Variants in LUZP2 observed in about 807,000 individuals in gnomAD.
LUZP2 encodes leucine zipper protein 2.
In LUZP2, 52 loss-of-function variants were observed where a neutral mutation model predicts 51.6. That is an observed-to-expected ratio of 1.01 (90% CI 0.81 to 1.27). The LOEUF (loss-of-function observed/expected upper bound fraction) is 1.27, where lower values mean the gene tolerates loss of function less well. LUZP2 is among the 50% of genes most tolerant of loss of function. The probability of loss-of-function intolerance (pLI) is 0.00; values close to 1 mark genes in which losing one functional copy is unlikely to be tolerated. For missense variants in LUZP2, 436 were observed against 395.4 expected (o/e 1.10, Z -0.87); for synonymous variants, 154 against 137.3 (o/e 1.12, Z -0.85).
intron 9 of LUZP2, among the ~76,000 whole-genome samples, chr11:24,985,241 A>G (rs1047728124): frequency 1.3e-5 from 2 of 151,598 alleles, no homozygotes; most frequent in East Asian, 3.9e-4. Context: ...AATTTTCTGC[A>G]AGAGACAACA....
At chr11:24,694,838 G>A (rs564789132) in intron 1 of LUZP2, among the ~76,000 whole-genome samples, 4 of 151,602 alleles carry the variant, frequency 2.6e-5, no homozygotes, top group South Asian at 2.1e-4. Context: ...ACTAAACGCC[G>A]CATGTTCTCA....
At chr11:25,020,018 A>G (rs1857285296) in intron 9 of LUZP2, among the ~76,000 whole-genome samples, 1 of 152,136 alleles carries the variant, frequency 6.6e-6, no homozygotes, top group Admixed American at 6.6e-5. Flanking sequence ...GAGAGAATTT[A>G]TAGGTTCCAC....
At chr11:24,976,474 GTTTT>G (rs71044328) in intron 7 of LUZP2, 113 bp from the exon 8 acceptor site, 5,377 of 365,764 alleles carry the variant, frequency 0.015, 70 homozygotes, top group South Asian at 0.04. Context: ...ACAGGACACT[GTTTT>G]TTTTTTTTTT....
intron 1 of LUZP2, among the ~76,000 whole-genome samples, chr11:24,666,021 G>A (rs778303674): frequency 2.0e-5 from 3 of 151,984 alleles, no homozygotes; most frequent in Non-Finnish European, 4.4e-5. Flanking sequence ...ACTGATGCAG[G>A]TAGTCTGATC....
intron 5 of LUZP2, among the ~76,000 whole-genome samples, chr11:24,812,372 A>G (rs536475416): frequency 2.0e-5 from 3 of 152,286 alleles, no homozygotes; most frequent in African/African-American, 7.2e-5. Flanking sequence ...AACTTCTTCA[A>G]TTCCCCTTCT....
At chr11:25,011,698 AT>A (rs1338095889) in intron 9 of LUZP2, among the ~76,000 whole-genome samples, 3 of 152,042 alleles carry the variant, frequency 2.0e-5, no homozygotes, top group African/African-American at 7.2e-5. Flanking sequence ...TTTTGTTTAA[AT>A]TTTTTTATTG....
chr11:24,577,171 A>G (rs1375901114), intron 1 of LUZP2, among the ~76,000 whole-genome samples: 1 of 152,060 alleles, frequency 6.6e-6, no homozygotes, highest in Non-Finnish European at 1.5e-5. Flanking sequence ...TGGTGCCTAA[A>G]ATGATAACAC....
intron 5 of LUZP2, chr11:24,891,528 T>C (rs1852852908): frequency 1.1e-6 from 1 of 941,868 alleles, no homozygotes; most frequent in East Asian, 1.2e-4. Context: ...GGAAGATATA[T>C]TCTATATTTC....
chr11:25,044,448 G>A (rs1858227795), intron 9 of LUZP2, among the ~76,000 whole-genome samples: 1 of 151,656 alleles, frequency 6.6e-6, no homozygotes, highest in Non-Finnish European at 1.5e-5. Context: ...TCTCACTGAT[G>A]GCAAAGGCAT....
At chr11:25,053,542 CTTT>C (rs35513610) in intron 10 of LUZP2, among the ~76,000 whole-genome samples, 82 of 145,090 alleles carry the variant, frequency 5.7e-4, no homozygotes, top group African/African-American at 7.4e-4. Flanking sequence ...TCCCACATGC[CTTT>C]TTTTTTTTTT....
At chr11:24,627,120 G>T (rs554440746) in intron 1 of LUZP2, among the ~76,000 whole-genome samples, 2 of 152,242 alleles carry the variant, frequency 1.3e-5, no homozygotes, top group South Asian at 4.1e-4. Context: ...CCTAATACAA[G>T]ATGTGAGTAC....
chr11:24,566,332 T>TATTTATTTA (rs373379117), intron 1 of LUZP2, among the ~76,000 whole-genome samples: 3 of 132,624 alleles, frequency 2.3e-5, no homozygotes, highest in African/African-American at 8.6e-5. Context: ...ATTTATTTTT[T>TATTTATTTA]TTTTTTTTTT....
chr11:25,008,379 G>A (rs1429255961), intron 9 of LUZP2, among the ~76,000 whole-genome samples: 4 of 152,220 alleles, frequency 2.6e-5, no homozygotes, highest in African/African-American at 9.6e-5. Context: ...CAAGGCCTGA[G>A]CCCAACACCC....
At chr11:24,728,476 C>T (rs998139803) in intron 1 of LUZP2, among the ~76,000 whole-genome samples, 1 of 151,998 alleles carries the variant, frequency 6.6e-6, no homozygotes, top group Admixed American at 6.6e-5. Flanking sequence ...ACTTTCTTAA[C>T]AGTCACCTGT....
intron 7 of LUZP2, among the ~76,000 whole-genome samples, chr11:24,924,027 C>A (rs1240409406): frequency 6.6e-6 from 1 of 151,914 alleles, no homozygotes; most frequent in African/African-American, 2.4e-5. Context: ...TGATCAAAGC[C>A]TCAAAAGAAT....
At chr11:24,771,169 A>G (rs1235155190) in intron 5 of LUZP2, among the ~76,000 whole-genome samples, 2 of 151,968 alleles carry the variant, frequency 1.3e-5, no homozygotes, top group Non-Finnish European at 2.9e-5. Flanking sequence ...ATACTATAGA[A>G]AGCTTTCACA....
intron 4 of LUZP2, among the ~76,000 whole-genome samples, chr11:24,762,327 G>A (rs1215218288): frequency 6.6e-6 from 1 of 152,068 alleles, no homozygotes; most frequent in African/African-American, 2.4e-5. Context: ...AATCCAAACT[G>A]AGATGTACTG....
chr11:24,697,539 A>C (rs1441280902), intron 1 of LUZP2, among the ~76,000 whole-genome samples: 1 of 152,188 alleles, frequency 6.6e-6, no homozygotes, highest in African/African-American at 2.4e-5. Flanking sequence ...CTAGGCCAAG[A>C]TAACCATGGA....
intron 1 of LUZP2, among the ~76,000 whole-genome samples, chr11:24,709,293 A>G: frequency 6.6e-6 from 1 of 152,316 alleles, no homozygotes; most frequent in East Asian, 1.9e-4. Context: ...TATATTCAGA[A>G]TATTATAGAA....
Sources: gnomAD v4.1 joint callset for allele counts (sites outside exome capture counted in the v4.1 genomes callset) on GRCh38, gnomAD v4.1.1 for gene constraint, MANE v1.5 for transcripts, NCBI Gene and HGNC (gene_info 2026-07-23, HGNC 2026-07-21) for gene names.